The following MRAS variants were observed in gnomAD, a reference collection of about 807,000 sequenced individuals.
MRAS encodes the protein muscle RAS oncogene homolog.
MRAS carries 4 observed loss-of-function variants against 20.9 expected under a neutral mutation model. The observed-to-expected ratio is 0.19, with a 90% CI of 0.09 to 0.44. The LOEUF (loss-of-function observed/expected upper bound fraction) is 0.44. MRAS is among the 20% of genes least tolerant of loss of function. The pLI is 0.99. For missense variants in MRAS, 154 were observed against 277.5 expected, an observed-to-expected ratio of 0.56 and a Z score of 3.16; for synonymous variants, 98 against 102.9, an observed-to-expected ratio of 0.95 and a Z score of 0.29.
At chr3:138,349,293 C>G (rs1402637077) in intron 1 of MRAS, 1 of 152,268 alleles carries the variant, frequency 6.6e-6, no homozygotes, top group East Asian at 1.9e-4. Flanking sequence ...TGGGCTCATG[C>G]ATTGAACTGA....
chr3:138,353,018 AG>A (rs1286984145), intron 1 of MRAS, among the ~76,000 whole-genome samples: 1 of 152,198 alleles, frequency 6.6e-6, no homozygotes, highest in East Asian at 1.9e-4. Context: ...CAACCTTCGG[AG>A]GACAGAATCC....
At chr3:138,375,043 G>C (rs1407976708) in intron 2 of MRAS, among the ~76,000 whole-genome samples, 1 of 152,062 alleles carries the variant, frequency 6.6e-6, no homozygotes, top group Non-Finnish European at 1.5e-5. Context: ...CACTGTGCCC[G>C]GCTAATATTT....
chr3:138,400,331 G>A (rs1324249478), intron 4 of MRAS: 8 of 543,476 alleles, frequency 1.5e-5, no homozygotes, highest in South Asian at 1.4e-4. Flanking sequence ...GAACAAGAGG[G>A]AATTGGAAAA....
At chr3:138,397,543 C>G in intron 3 of MRAS, 66 bp downstream of exon 3, 3 of 1,556,616 alleles carry the variant, frequency 1.9e-6, no homozygotes, top group South Asian at 1.2e-5. Context: ...GGCGCTCTCT[C>G]TCTCTCTCTT....
chr3:138,364,572 TC>T (rs1194812123), intron 1 of MRAS, among the ~76,000 whole-genome samples: 2 of 152,152 alleles, frequency 1.3e-5, no homozygotes, highest in Non-Finnish European at 2.9e-5. Context: ...AGGGAACAGC[TC>T]GAGTGTAGGA....
intron 1 of MRAS, among the ~76,000 whole-genome samples, chr3:138,363,349 C>T (rs1276849689): frequency 1.3e-5 from 2 of 152,212 alleles, no homozygotes; most frequent in Non-Finnish European, 2.9e-5. Flanking sequence ...GCATGAGCCA[C>T]CATGCCTGAC....
At chr3:138,388,637 T>G (rs753294337) in intron 2 of MRAS, among the ~76,000 whole-genome samples, 2 of 152,018 alleles carry the variant, frequency 1.3e-5, no homozygotes, top group Non-Finnish European at 2.9e-5. Flanking sequence ...AGGCAGAGGT[T>G]GCAGTGAGCT....
chr3:138,354,610 C>G (rs989734128), intron 1 of MRAS, among the ~76,000 whole-genome samples: 10 of 152,208 alleles, frequency 6.6e-5, no homozygotes, highest in Admixed American at 5.9e-4. Flanking sequence ...CAGAGAAGTT[C>G]ATCTACCCTC....
At chr3:138,359,221 G>A (rs1172047633) in intron 1 of MRAS, among the ~76,000 whole-genome samples, 5 of 152,150 alleles carry the variant, frequency 3.3e-5, no homozygotes, top group Admixed American at 6.5e-5. Context: ...CTGCTGAGTG[G>A]GCTTAAAACC....
At chr3:138,377,991 G>C (rs1033451172) in intron 2 of MRAS, among the ~76,000 whole-genome samples, 2 of 152,222 alleles carry the variant, frequency 1.3e-5, no homozygotes, top group Non-Finnish European at 2.9e-5. Context: ...GCAACAGTTT[G>C]AGCTACCTGT....
intron 1 of MRAS, among the ~76,000 whole-genome samples, chr3:138,368,920 C>T (rs2054618829): frequency 6.6e-6 from 1 of 152,098 alleles, no homozygotes; most frequent in Non-Finnish European, 1.5e-5. Flanking sequence ...GAGAAACATG[C>T]CTATCAAGAT....
intron 1 of MRAS, among the ~76,000 whole-genome samples, chr3:138,361,312 C>T (rs73864518): frequency 0.047 from 7,079 of 152,206 alleles, 521 homozygotes; most frequent in African/African-American, 0.16. Context: ...TTGTGGTCAG[C>T]GGGGAGAGCT....
chr3:138,357,863 A>G (rs2054366892), intron 1 of MRAS, among the ~76,000 whole-genome samples: 1 of 152,022 alleles, frequency 6.6e-6, no homozygotes, highest in Non-Finnish European at 1.5e-5. Context: ...GCTTGCTCAC[A>G]CCCTTGGAGA....
chr3:138,390,680 G>A (rs940110542), intron 2 of MRAS, among the ~76,000 whole-genome samples: 2 of 152,194 alleles, frequency 1.3e-5, no homozygotes, highest in African/African-American at 4.8e-5. Context: ...TGTGTGTGGA[G>A]GGGTGGGCTA....
At chr3:138,372,735 CTT>C (rs2054700795) in intron 1 of MRAS, 129 bp from the exon 2 acceptor site, 1 of 649,516 alleles carries the variant, frequency 1.5e-6, no homozygotes, top group Non-Finnish European at 2.4e-6. Context: ...CTTTTATTTT[CTT>C]TTGCATTTCT....
chr3:138,385,971 G>T (rs773738028), intron 2 of MRAS, among the ~76,000 whole-genome samples: 2 of 152,178 alleles, frequency 1.3e-5, no homozygotes, highest in African/African-American at 4.8e-5. Context: ...GGAGAGGATG[G>T]TCTTAGGAGC....
intron 5 of MRAS, 140 bp from the exon 6 acceptor site, chr3:138,402,030 T>TG (rs2055370855): frequency 1.4e-6 from 1 of 731,554 alleles, no homozygotes; most frequent in Non-Finnish European, 2.3e-6. Flanking sequence ...GGGAGAGGGA[T>TG]GGCATCCCCA....
chr3:138,370,280 C>T (rs1228845707), intron 1 of MRAS, among the ~76,000 whole-genome samples: 1 of 152,240 alleles, frequency 6.6e-6, no homozygotes, highest in Non-Finnish European at 1.5e-5. Context: ...GACCACGCTA[C>T]TGCACTCCCG....
chr3:138,364,184 C>A (rs1018225008), intron 1 of MRAS, among the ~76,000 whole-genome samples: 1 of 152,138 alleles, frequency 6.6e-6, no homozygotes, highest in Non-Finnish European at 1.5e-5. Flanking sequence ...GCCTGCTAGC[C>A]TTCCGAGAAG....
Sources: allele counts gnomAD v4.1 joint callset (sites outside exome capture counted in the v4.1 genomes callset), GRCh38; gene constraint gnomAD v4.1.1; transcripts MANE v1.5; gene names NCBI Gene and HGNC (gene_info 2026-07-23, HGNC 2026-07-21).